The following APOE variants were observed in gnomAD, a reference collection of about 807,000 sequenced individuals.
APOE encodes the protein apolipoprotein E3.
APOE carries 10 observed loss-of-function variants against 13.1 expected under a neutral mutation model. That is an observed-to-expected ratio of 0.76 (90% CI 0.47 to 1.29). The LOEUF (loss-of-function observed/expected upper bound fraction) is 1.29, where lower values mean the gene tolerates loss of function less well. APOE is among the 50% of genes most tolerant of loss of function. The pLI is 0.00. For missense variants in APOE, 471 were observed against 459.6 expected (o/e 1.02, Z -0.23); for synonymous variants, 211 against 207.1 (o/e 1.02, Z -0.16).
At position 44,909,121 on chromosome 19, in the gene APOE, C is replaced by T. The variant is rs1287764520; in HGVS notation, c.825C>T (p.Phe275=). The change falls in exon 4 of 4, where the codon TTC becomes TTT. Residue 275 remains phenylalanine, a synonymous_variant. Coordinates refer to ENST00000252486, the MANE Select transcript of APOE (RefSeq NM_000041.4). ...AGATACGCCTGCAGGCCGAGGCCTT[C>T]CAGGCCCGCCTCAAGAGCTGGTTCG... The part of the protein sequence containing the change: ...AQQIRLQAEA[F]QARLKSWFEP... 9 of 1,594,340 alleles carry T rather than the reference C, an allele frequency of 5.6e-6. No individual in the cohort carries two copies. In the East Asian group the frequency reaches 2.0e-4, roughly 36 times the overall value.
In APOE at chr19:44,908,684, T is replaced by C. The variant is rs429358; in HGVS notation, c.388T>C (p.Cys130Arg). 232,864 of 1,567,892 alleles carry C rather than the reference T, an allele frequency of 0.15. 17,710 individuals are homozygous for C. The highest frequency in any genetic ancestry group is 0.22 in the African/African-American group (16,245 of 73,686). Residue 130 changes from cysteine to arginine, a missense_variant, in exon 4 of 4, where the codon TGC becomes CGC. By Grantham distance (180) the Cys-to-Arg change is radical. Transcript: ENST00000252486. ...GCTGGGCGCGGACATGGAGGACGTG[T>C]GCGGCCGCCTGGTGCAGTACCGCGG... ...ARLGADMEDV[C>R]GRLVQYRGEV...
rs370227413 is a variant in APOE at position 44,907,806 on chromosome 19, C to T, written c.90C>T (p.Pro30=). 1.2e-5 allele frequency: 20 copies of T among 1,613,720 alleles called. No homozygotes were observed. The highest frequency in any genetic ancestry group is 4.5e-5 in the East Asian group (2 of 44,858). ...AAGCGGTGGAGACAGAGCCGGAGCC[C>T]GAGCTGCGCCAGCAGACCGAGTGGC... ...VEQAVETEPE[P]ELRQQTEWQS... The change falls in exon 3 of 4, where the codon CCC becomes CCT. Residue 30 remains proline (P), a synonymous_variant. Coordinates refer to ENST00000252486, the MANE Select transcript of APOE (RefSeq NM_000041.4). This position sits in a 1 kb window ranked among gnomAD's most constrained non-coding sequence, Gnocchi z 4.1.
rs1405721204 is a variant in APOE at position 44,908,794 on chromosome 19, C to T, written c.498C>T (p.Leu166=). Residue 166 remains leucine, a synonymous_variant, in exon 4 of 4, where the codon CTC becomes CTT. Coordinates refer to ENST00000252486, the MANE Select transcript of APOE (RefSeq NM_000041.4). ...ASHLRKLRKR[L]LRDADDLQKR... is the part of the protein sequence containing the mutation. ...ACCTGCGCAAGCTGCGTAAGCGGCT[C>T]CTCCGCGATGCCGATGACCTGCAGA... 5 of 1,552,994 alleles carry T rather than the reference C, an allele frequency of 3.2e-6. No homozygotes were observed. Among genetic ancestry groups the T allele is most frequent in the Non-Finnish European group, 4.3e-6 (5 of 1,152,812 alleles).
chr19:44,906,667 G>T lies in APOE; in HGVS notation c.43G>T (p.Gly15Ter), dbSNP rs752693941. ...TGCGTTGCTGGTCACATTCCTGGCA[G>T]GTATGGGGGCGGGGCTTGCTCGGTT... ...WAALLVTFLA[G>*]CQAKVEQAVE... Residue 15 changes from glycine (G) to a stop codon, truncating the protein, a stop_gained and splice_region_variant, in exon 2 of 4, where the codon GGA becomes TGA. Transcript: ENST00000252486. LOFTEE classifies it high-confidence loss of function. 6.2e-7 allele frequency: 1 copy of T among 1,614,032 alleles called. No individual in the cohort carries two copies. Among genetic ancestry groups the T allele is most frequent in the Non-Finnish European group, 8.5e-7 (1 of 1,180,000 alleles).
Position 44,909,033 on chromosome 19 carries a change from G to C in APOE, c.737G>C (p.Arg246Pro), listed in dbSNP as rs1330553726. Residue 246 changes from arginine to proline, a missense_variant, in exon 4 of 4, where the codon CGC (arginine) becomes CCC (proline). Transcript: ENST00000252486. ...GAGATGGGCAGCCGGACCCGCGACC[G>C]CCTGGACGAGGTGAAGGAGCAGGTG... Reference protein sequence around the residue: ...MEEMGSRTRDRLDEVKEQVAE... With the variant: ...MEEMGSRTRDPLDEVKEQVAE... 6 of 1,546,210 alleles carry C rather than the reference G, an allele frequency of 3.9e-6. No homozygotes were observed. The highest frequency in any genetic ancestry group is 5.2e-6 in the Non-Finnish European group (6 of 1,151,360).
intron 3 of APOE, among the ~76,000 whole-genome samples, 167 bp downstream of exon 3, chr19:44,908,119 C>G (rs868639606): frequency 6.6e-6 from 1 of 152,148 alleles, no homozygotes; most frequent in Admixed American, 6.6e-5. Flanking sequence ...CTGGAATTCT[C>G]TCTCTCAGCT....
Position 44,908,718 on chromosome 19 carries a change from A to G in APOE, c.422A>G (p.Gln141Arg), listed in dbSNP as rs1969863273. The G allele has an allele frequency of 6.4e-7, 1 of 1,560,000 alleles. No homozygotes were observed. The highest frequency in any genetic ancestry group is 8.7e-7 in the Non-Finnish European group (1 of 1,152,792). ...GRLVQYRGEVQAMLGQSTEEL... is the reference protein window; with the variant it reads ...GRLVQYRGEVRAMLGQSTEEL... The stretch of plus-strand genomic sequence containing the variant: ...CTGGTGCAGTACCGCGGCGAGGTGC[A>G]GGCCATGCTCGGCCAGAGCACCGAG... The change falls in exon 4 of 4, where the codon CAG (glutamine) becomes CGG (arginine). Residue 141 changes from glutamine (Q) to arginine (R), a missense_variant. By Grantham distance (43) the Gln-to-Arg change is conservative (BLOSUM62 1). Coordinates refer to ENST00000252486, the MANE Select transcript of APOE (RefSeq NM_000041.4).
At position 44,905,923 on chromosome 19, in the gene APOE, G is replaced by A. The variant is rs563571689; in HGVS notation, c.-24+82G>A. 806 of 1,296,208 alleles carry A rather than the reference G, an allele frequency of 6.2e-4. No homozygotes were observed. Among genetic ancestry groups the A allele is most frequent in the Non-Finnish European group, 6.5e-4 (646 of 986,474 alleles). 80.3% of individuals were successfully genotyped at this position (1,296,208 alleles called of 1,614,324 possible). A position where few individuals can be genotyped will look rare whatever the true frequency, so the allele number is the denominator to read the frequency against. The stretch of plus-strand genomic sequence containing the variant: ...GGACCCTGGGAACCCCTGGCCTCCA[G>A]GTAGTCTCAGGAGAGCTACTCGGGG... On this transcript the variant is annotated intron_variant, in intron 1 of 3. Transcript: ENST00000252486.
In APOE at chr19:44,908,709, G is replaced by C; in HGVS notation, c.413G>C (p.Gly138Ala). The C allele has an allele frequency of 6.4e-7, 1 of 1,559,886 alleles. No individual in the cohort carries two copies. Among genetic ancestry groups the C allele is most frequent in the Non-Finnish European group, 8.7e-7 (1 of 1,152,666 alleles). Residue 138 changes from glycine (G) to alanine (A), a missense_variant, in exon 4 of 4, where the codon GGC becomes GCC. Transcript: ENST00000252486. Reference sequence around the variant, plus strand: ...TGCGGCCGCCTGGTGCAGTACCGCGGCGAGGTGCAGGCCATGCTCGGCCAG... The same window carrying C: ...TGCGGCCGCCTGGTGCAGTACCGCGCCGAGGTGCAGGCCATGCTCGGCCAG... Reference protein sequence around the residue: ...DVCGRLVQYRGEVQAMLGQST... With the variant: ...DVCGRLVQYRAEVQAMLGQST...
chr19:44,908,008 G>C, intron 3 of APOE, 56 bp downstream of exon 3: 1 of 1,549,472 alleles, frequency 6.5e-7, no homozygotes, highest in South Asian at 1.2e-5. Flanking sequence ...TACCTCCCCA[G>C]GTCCAGGTTT....
chr19:44,906,703 C>T (rs763632507), intron 2 of APOE, 36 bp downstream of exon 2: 2 of 1,605,674 alleles, frequency 1.2e-6, no homozygotes, highest in Non-Finnish European at 1.7e-6. Flanking sequence ...CCCCCCGCTC[C>T]TCCCCCTCTC....
Position 44,909,286 on chromosome 19 carries a change from C to T in APOE, c.*36C>T. 6.3e-7 allele frequency: 1 copy of T among 1,580,834 alleles called. No individual in the cohort carries two copies. Among genetic ancestry groups the T allele is most frequent in the Non-Finnish European group, 8.6e-7 (1 of 1,166,234 alleles). ...CTGCAGCCATGCGACCCCACGCCAC[C>T]CCGTGCCTCCTGCCTCCGCGCAGCC... On this transcript the variant is annotated 3_prime_UTR_variant, in exon 4 of 4. Coordinates refer to ENST00000252486, the MANE Select transcript of APOE (RefSeq NM_000041.4).
Position 44,906,709 on chromosome 19 carries a change from CT to C in APOE, c.43+43del, listed in dbSNP as rs776828691. On this transcript the variant is annotated intron_variant, in intron 2 of 3. Coordinates refer to ENST00000252486, the MANE Select transcript of APOE (RefSeq NM_000041.4). Reference sequence around the variant, plus strand: ...TGCTCGGTTCCCCCCGCTCCTCCCCCTCTCATCCTCACCTCAACCTCCTGGC... The same window carrying C: ...TGCTCGGTTCCCCCCGCTCCTCCCCCCTCATCCTCACCTCAACCTCCTGGC... 57 of 1,599,970 alleles carry C rather than the reference CT, an allele frequency of 3.6e-5. No homozygotes were observed. In the Middle Eastern group the frequency reaches 5.0e-4, roughly 14 times the overall value.
chr19:44,908,366 CCTCTGCATCTGCT>C (rs1376385891), intron 3 of APOE, among the ~76,000 whole-genome samples, 154 bp from the exon 4 acceptor site: 2 of 152,162 alleles, frequency 1.3e-5, no homozygotes, highest in Non-Finnish European at 1.5e-5. Context: ...CTGCCTCTGC[CCTCTGCATCTGCT>C]CTCTGCATCT....
At position 44,909,252 on chromosome 19, in the gene APOE, C is replaced by G; in HGVS notation, c.*2C>G. 6.3e-7 allele frequency: 1 copy of G among 1,596,198 alleles called. No individual in the cohort carries two copies. The highest frequency in any genetic ancestry group is 8.5e-7 in the Non-Finnish European group (1 of 1,179,118). On this transcript the variant is annotated 3_prime_UTR_variant, in exon 4 of 4. Transcript: ENST00000252486. ...CCTGTGCCCAGCGACAATCACTGAA[C>G]GCCGAAGCCTGCAGCCATGCGACCC...
rs11542033 is a variant in APOE at position 44,908,632 on chromosome 19, C to G, written c.336C>G (p.Ser112=). The change falls in exon 4 of 4, where the codon TCC becomes TCG. Residue 112 remains serine, a synonymous_variant. Coordinates refer to ENST00000252486, the MANE Select transcript of APOE (RefSeq NM_000041.4). ...CGGAGGAGACGCGGGCACGGCTGTC[C>G]AAGGAGCTGCAGGCGGCGCAGGCCC... ...PVAEETRARL[S]KELQAAQARL... The G allele has an allele frequency of 4.4e-6, 7 of 1,605,202 alleles. No homozygotes were observed. Among genetic ancestry groups the G allele is most frequent in the Admixed American group, 3.4e-5 (2 of 58,638 alleles).
rs1217176327 is a variant in APOE, at chr19:44,909,110, G to A, written c.814G>A (p.Ala272Thr). ...EEQAQQIRLQ[A>T]EAFQARLKSW... ...GCAGGCCCAGCAGATACGCCTGCAGGCCGAGGCCTTCCAGGCCCGCCTCAA... is the reference window on the plus strand; with the variant it reads ...GCAGGCCCAGCAGATACGCCTGCAGACCGAGGCCTTCCAGGCCCGCCTCAA... Residue 272 changes from alanine (A) to threonine (T), a missense_variant, in exon 4 of 4, where the codon GCC becomes ACC. Transcript: ENST00000252486. The A allele has an allele frequency of 6.3e-7, 1 of 1,590,418 alleles. No homozygotes were observed. The highest frequency in any genetic ancestry group is 8.5e-7 in the Non-Finnish European group (1 of 1,173,658).
In APOE at chr19:44,909,208, C is replaced by A. The variant is rs772936346; in HGVS notation, c.912C>A (p.Ala304=). ...GGCTGGTGGAGAAGGTGCAGGCTGC[C>A]GTGGGCACCAGCGCCGCCCCTGTGC... is the stretch of plus-strand genomic sequence containing the variant. ...WAGLVEKVQA[A]VGTSAAPVPS... The change falls in exon 4 of 4, where the codon GCC becomes GCA. Residue 304 remains alanine (A), a synonymous_variant. Coordinates refer to ENST00000252486, the MANE Select transcript of APOE (RefSeq NM_000041.4). The A allele has an allele frequency of 6.3e-7, 1 of 1,597,220 alleles. No individual in the cohort carries two copies. The highest frequency in any genetic ancestry group is 1.1e-5 in the South Asian group (1 of 90,804).
Position 44,905,817 on chromosome 19 carries a change from G to T in APOE, c.-48G>T. ...AGTCCTACTCAGCCCCAGCGGAGGTGAAGGACGTCCTTCCCCAGGAGCCGG... is the reference window on the plus strand; with the variant it reads ...AGTCCTACTCAGCCCCAGCGGAGGTTAAGGACGTCCTTCCCCAGGAGCCGG... On this transcript the variant is annotated 5_prime_UTR_variant, in exon 1 of 4. Coordinates refer to ENST00000252486, the MANE Select transcript of APOE (RefSeq NM_000041.4). 7.7e-7 allele frequency: 1 copy of T among 1,293,106 alleles called. No homozygotes were observed. The highest frequency in any genetic ancestry group is 1.2e-5 in the South Asian group (1 of 80,610). The allele number at this position is 1,293,106 out of a possible 1,614,324, so 80.1% of individuals were successfully genotyped here.
Sources: allele counts gnomAD v4.1 joint callset (sites outside exome capture counted in the v4.1 genomes callset), GRCh38; gene constraint gnomAD v4.1.1; non-coding constraint Gnocchi (gnomAD v3.1); transcripts MANE v1.5; gene names NCBI Gene and HGNC (gene_info 2026-07-23, HGNC 2026-07-21).